Variants in NCR1 observed in about 807,000 individuals in gnomAD.
The protein encoded by NCR1 is natural cytotoxicity triggering receptor 1, also known as NK cell-activating receptor.
In NCR1, 30 loss-of-function variants were observed where a neutral mutation model predicts 32.5. That is an observed-to-expected ratio of 0.92 (90% CI 0.69 to 1.25). The LOEUF is 1.25. Ranked by LOEUF, NCR1 falls within the 50% of genes most tolerant of loss-of-function variation. The probability of loss-of-function intolerance (pLI) is 0.00; values close to 1 mark genes in which losing one functional copy is unlikely to be tolerated. For synonymous variants in NCR1, 169 were observed against 143.4 expected, an observed-to-expected ratio of 1.18 and a Z score of -1.28; for missense variants, 369 against 380.7, an observed-to-expected ratio of 0.97 and a Z score of 0.26.
chr19:54,902,629 TA>T (rs1233817207), upstream of NCR1, among the ~76,000 whole-genome samples: 1 of 152,072 alleles, frequency 6.6e-6, no homozygotes, highest in Admixed American at 6.6e-5. Flanking sequence ...CTCAAAATAA[TA>T]AAAGACAATA....
chr19:54,912,698 C>G lies in NCR1; in HGVS notation c.742C>G (p.Leu248Val). The change falls in exon 7 of 7, where the codon CTC becomes GTC. Residue 248 changes from leucine (L) to valine (V), a missense_variant. Coordinates refer to ENST00000291890, the MANE Select transcript of NCR1 (RefSeq NM_004829.7). ...TETGLQKDHALWDHTAQNLLR... is the reference protein window; with the variant it reads ...TETGLQKDHAVWDHTAQNLLR... ...TGTTCTCCTGCCTACAGACCATGCC[C>G]TCTGGGATCACACTGCCCAGAATCT... 6.2e-7 allele frequency: 1 copy of G among 1,609,990 alleles called. No homozygotes were observed. Among genetic ancestry groups the G allele is most frequent in the Non-Finnish European group, 8.5e-7 (1 of 1,177,408 alleles).
chr19:54,901,360 C>CAAAAA (rs80189325), upstream of NCR1, among the ~76,000 whole-genome samples: 3 of 91,180 alleles, frequency 3.3e-5, no homozygotes, highest in Non-Finnish European at 6.0e-5. Context: ...GAGTCCATCT[C>CAAAAA]AAAAAAAAAA....
chr19:54,903,735 T>C (rs1022971752), upstream of NCR1, among the ~76,000 whole-genome samples: 23 of 151,380 alleles, frequency 1.5e-4, no homozygotes, highest in Admixed American at 1.3e-3. Context: ...TGTGTATATA[T>C]AAAATGCATG....
chr19:54,924,809 A>C, the NCR1 span, among the ~76,000 whole-genome samples: 1 of 152,064 alleles, frequency 6.6e-6, no homozygotes, highest in African/African-American at 2.4e-5. Context: ...GGTGGCAGAC[A>C]ACTGTAATAC....
rs1307260568 is a variant in NCR1 at position 54,909,271 on chromosome 19, G to T, written c.382G>T (p.Val128Phe). ...AATGTATGACACACCCACCCTCTCGGTTCATCCTGGACCCGAAGTGATCTC... is the reference window on the plus strand; with the variant it reads ...AATGTATGACACACCCACCCTCTCGTTTCATCCTGGACCCGAAGTGATCTC... ...TEMYDTPTLS[V>F]HPGPEVISGE... is the part of the protein sequence containing the mutation. Residue 128 changes from valine (V) to phenylalanine (F), a missense_variant, in exon 4 of 7, where the codon GTT becomes TTT. Coordinates refer to ENST00000291890, the MANE Select transcript of NCR1 (RefSeq NM_004829.7). 1 of 1,613,646 alleles carries T rather than the reference G, an allele frequency of 6.2e-7. No homozygotes were observed. The highest frequency in any genetic ancestry group is 1.7e-5 in the Admixed American group (1 of 59,998).
the NCR1 span, among the ~76,000 whole-genome samples, chr19:54,931,486 T>C: frequency 2.0e-5 from 3 of 151,934 alleles, no homozygotes; most frequent in Non-Finnish European, 4.4e-5. Flanking sequence ...GGTCGGGAGT[T>C]CAAGACCAGC....
the NCR1 span, chr19:54,933,538 GCA>G: frequency 7.1e-4 from 1,101 of 1,548,832 alleles, no homozygotes; most frequent in Non-Finnish European, 8.4e-4. Flanking sequence ...GAATTCATGT[GCA>G]CACACACACA....
upstream of NCR1, among the ~76,000 whole-genome samples, chr19:54,904,693 C>T (rs760346106): frequency 7.2e-5 from 11 of 151,862 alleles, no homozygotes; most frequent in Non-Finnish European, 1.2e-4. Context: ...CCACCACACC[C>T]GGCTAATTTT....
chr19:54,925,437 G>A, the NCR1 span, among the ~76,000 whole-genome samples: 9,876 of 152,176 alleles, frequency 0.065, 335 homozygotes, highest in East Asian at 0.15. Flanking sequence ...CATGCTTAGC[G>A]TTCCAATAAT....
chr19:54,938,095 C>G, the NCR1 span: 86 of 1,613,900 alleles, frequency 5.3e-5, no homozygotes, highest in South Asian at 2.2e-4. Context: ...ACAAAGAATC[C>G]GCACAGAAGA....
At position 54,907,465 on chromosome 19, in the gene NCR1, T is replaced by TA. The variant is rs58941827; in HGVS notation, c.355+673dup. Among the ~76,000 whole-genome samples, 1,034 of 130,322 alleles carry TA rather than the reference T, an allele frequency of 7.9e-3. 8 individuals carry two copies. The highest frequency in any genetic ancestry group is 0.024 in the South Asian group (100 of 4,094). 85.5% of individuals were successfully genotyped at this position (130,322 alleles called of 152,430 possible). A position where few individuals can be genotyped will look rare whatever the true frequency, so the allele number is the denominator to read the frequency against. On this transcript the variant is annotated intron_variant, in intron 3 of 6. Coordinates refer to ENST00000291890, the MANE Select transcript of NCR1 (RefSeq NM_004829.7). ...CACACCCAGCCAGGTGGTGGTTTTC[T>TA]AAAAAAAAAAAAAAATTAGCTTTTT...
At chr19:54,903,603 T>C (rs1315307672), upstream of NCR1, among the ~76,000 whole-genome samples, 2 of 148,622 alleles carry the variant, frequency 1.3e-5, no homozygotes, top group Non-Finnish European at 3.0e-5. Flanking sequence ...TGTGTATATA[T>C]GCATGTGTAT....
chr19:54,930,500 G>T, the NCR1 span: 7 of 1,599,180 alleles, frequency 4.4e-6, no homozygotes, highest in Admixed American at 3.3e-5. Flanking sequence ...ATCGCCTACC[G>T]TAGGTGTTTT....
At position 54,910,031 on chromosome 19, in the gene NCR1, C is replaced by T. The variant is rs768800255; in HGVS notation, c.648C>T (p.Asn216=). 1.0e-4 allele frequency: 165 copies of T among 1,611,690 alleles called. No homozygotes were observed. The South Asian group carries it at 1.4e-3, about 14-fold the overall frequency. Reference sequence around the variant, plus strand: ...CTCCTTTTCCAGGCGACATTGAGAACACCAGCCTTGCACCTGAAGACCCCA... The same window carrying T: ...CTCCTTTTCCAGGCGACATTGAGAATACCAGCCTTGCACCTGAAGACCCCA... The part of the protein sequence containing the change: ...VKLLVTGDIE[N]TSLAPEDPTF... Residue 216 remains asparagine (N), a synonymous_variant, in exon 5 of 7, where the codon AAC becomes AAT. Coordinates refer to ENST00000291890, the MANE Select transcript of NCR1 (RefSeq NM_004829.7).
downstream of NCR1, among the ~76,000 whole-genome samples, chr19:54,918,186 C>A (rs1252107592): frequency 2.6e-5 from 4 of 152,054 alleles, no homozygotes; most frequent in Non-Finnish European, 4.4e-5. Flanking sequence ...CCCGCCTCGG[C>A]CTCTCAAAGT....
Position 54,906,221 on chromosome 19 carries a change from G to A in NCR1, c.34G>A (p.Gly12Arg), listed in dbSNP as rs1345515426. 3 of 1,614,182 alleles carry A rather than the reference G, an allele frequency of 1.9e-6. No homozygotes were observed. Among genetic ancestry groups the A allele is most frequent in the Admixed American group, 3.3e-5 (2 of 60,024 alleles). The change falls in exon 1 of 7, where the codon GGG (glycine) becomes AGG (arginine). Residue 12 changes from glycine to arginine, a missense_variant and splice_region_variant. By Grantham distance (125) the Gly-to-Arg change is moderately radical. Transcript: ENST00000291890. ...SSTLPALLCV[G>R]LCLSQRISAQ... ...CACACTCCCTGCCCTGCTCTGCGTC[G>A]GTGAGTTCTGGCGTGGAAGGGGAAT... is the stretch of plus-strand genomic sequence containing the variant.
At chr19:54,928,166 G>A in the NCR1 span, among the ~76,000 whole-genome samples, 2 of 152,114 alleles carry the variant, frequency 1.3e-5, no homozygotes, top group Admixed American at 6.6e-5. Context: ...GTTACAGTGA[G>A]CCCAGATTGC....
chr19:54,912,653 A>G, intron 6 of NCR1, 37 bp from the exon 7 acceptor site: 1 of 1,109,626 alleles, frequency 9.0e-7, no homozygotes, highest in Non-Finnish European at 1.3e-6. Flanking sequence ...GTGTCCTTAC[A>G]TCCCTGTCAG....
At chr19:54,936,379 T>C in the NCR1 span, 6 of 1,614,042 alleles carry the variant, frequency 3.7e-6, no homozygotes, top group Admixed American at 3.3e-5. Context: ...TTCTTCCCAA[T>C]GAAAGCAAGA....
Sources: allele counts gnomAD v4.1 joint callset (sites outside exome capture counted in the v4.1 genomes callset), GRCh38; gene constraint gnomAD v4.1.1; transcripts MANE v1.5; gene names NCBI Gene and HGNC (gene_info 2026-07-23, HGNC 2026-07-21).